DNASE1: variants seen among roughly 807,000 people sequenced by gnomAD.
The protein encoded by DNASE1 is deoxyribonuclease-1.
A neutral mutation model predicts 33.9 loss-of-function variants in DNASE1; 40 were observed. The ratio of observed to expected loss-of-function variants is 1.18; its 90% CI spans 0.92 to 1.54. DNASE1 has a LOEUF of 1.54. DNASE1 is among the 40% of genes most tolerant of loss of function. The probability of loss-of-function intolerance (pLI) is 0.00; values close to 1 mark genes in which losing one functional copy is unlikely to be tolerated. For missense variants in DNASE1, 518 were observed against 372.6 expected (o/e 1.39, Z -3.21); for synonymous variants, 216 against 160.0 (o/e 1.35, Z -2.64).
chr16:3,620,684 G>A (rs1301212860), intron 1 of DNASE1, among the ~76,000 whole-genome samples: 3 of 151,860 alleles, frequency 2.0e-5, no homozygotes, highest in African/African-American at 7.3e-5. Context: ...AAATGTCTTT[G>A]TACTTATAAC....
chr16:3,622,764 T>C (rs1387163694), intron 1 of DNASE1, among the ~76,000 whole-genome samples: 1 of 152,184 alleles, frequency 6.6e-6, no homozygotes, highest in East Asian at 1.9e-4. Context: ...GCTTTGACTT[T>C]TAATAAAATT....
intron 1 of DNASE1, among the ~76,000 whole-genome samples, chr16:3,626,849 T>G (rs2041528095): frequency 6.6e-6 from 1 of 152,154 alleles, no homozygotes; most frequent in Non-Finnish European, 1.5e-5. Flanking sequence ...TTTATCATTA[T>G]GTAATAGCCC....
chr16:3,662,302 T>C, downstream of DNASE1: 1 of 785,548 alleles, frequency 1.3e-6, no homozygotes, highest in Non-Finnish European at 2.0e-6. Flanking sequence ...TTGTGGGCCC[T>C]GAGCTGATGC....
At chr16:3,638,372 C>T (rs1020972906), upstream of DNASE1, among the ~76,000 whole-genome samples, 1 of 152,116 alleles carries the variant, frequency 6.6e-6, no homozygotes, top group Non-Finnish European at 1.5e-5. Context: ...GAGTCTCGCT[C>T]CATTGCCCAG....
intron 1 of DNASE1, among the ~76,000 whole-genome samples, chr16:3,632,785 C>T (rs1367528272): frequency 6.6e-6 from 1 of 152,022 alleles, no homozygotes; most frequent in Non-Finnish European, 1.5e-5. Flanking sequence ...GGGGTTTTAC[C>T]ATGTTGTCCA....
At chr16:3,646,004 C>A (rs2042161921) in intron 1 of DNASE1, among the ~76,000 whole-genome samples, 1 of 152,102 alleles carries the variant, frequency 6.6e-6, no homozygotes, top group African/African-American at 2.4e-5. Context: ...TCCCTGGGGC[C>A]AGCAAACACC....
chr16:3,654,277 T>G (rs957147276), upstream of DNASE1: 1 of 397,928 alleles, frequency 2.5e-6, no homozygotes, highest in Admixed American at 4.4e-5. Flanking sequence ...GGCTGGCAAT[T>G]GGGGTGGGCT....
chr16:3,634,001 G>A (rs888103318), intron 1 of DNASE1, among the ~76,000 whole-genome samples: 6 of 151,468 alleles, frequency 4.0e-5, no homozygotes, highest in Non-Finnish European at 8.8e-5. Flanking sequence ...TAGTAGAGGC[G>A]GGGTTTCACC....
At chr16:3,620,137 A>G (rs550038166) in intron 1 of DNASE1, among the ~76,000 whole-genome samples, 1 of 151,816 alleles carries the variant, frequency 6.6e-6, no homozygotes, top group East Asian at 2.0e-4. Flanking sequence ...GCTGGTGTTG[A>G]ACTCCTGACC....
chr16:3,637,897 G>A (rs2041917568), intron 1 of DNASE1, among the ~76,000 whole-genome samples: 1 of 152,162 alleles, frequency 6.6e-6, no homozygotes, highest in Admixed American at 6.5e-5. Flanking sequence ...TGTCTCCTGT[G>A]TCGGGGGCAG....
At chr16:3,653,841 A>AAAAAAAAAAAAAAAATG (rs781310896), upstream of DNASE1, 3 of 125,166 alleles carry the variant, frequency 2.4e-5, no homozygotes, top group Non-Finnish European at 3.4e-5. Context: ...AAAAAAAAAA[A>AAAAAAAAAAAAAAAATG]CTGAGCATGG....
exon 10 of DNASE1, chr16:3,663,713 T>C (rs1310071684): frequency 1.1e-6 from 1 of 883,984 alleles, no homozygotes; most frequent in African/African-American, 1.7e-5. Context: ...GCATGACAGT[T>C]ACTACGACAC....
At chr16:3,661,438 C>T (rs1024401256), downstream of DNASE1, 3 of 152,252 alleles carry the variant, frequency 2.0e-5, no homozygotes, top group Non-Finnish European at 2.9e-5. Flanking sequence ...CAGAGAAACC[C>T]ACACAAGCCC....
At chr16:3,658,482 G>T (rs2042855103), downstream of DNASE1, 4 of 577,544 alleles carry the variant, frequency 6.9e-6, no homozygotes, top group South Asian at 8.4e-5. Context: ...AGGAGATTGA[G>T]ACCATCCTGG....
exon 10 of DNASE1, chr16:3,663,394 C>A (rs762690151): frequency 3.5e-5 from 56 of 1,613,000 alleles, no homozygotes; most frequent in Non-Finnish European, 4.7e-5. Flanking sequence ...TGGAAACCAG[C>A]CCCACGCCTA....
At chr16:3,642,382 A>G (rs1419308574), upstream of DNASE1, among the ~76,000 whole-genome samples, 2 of 152,172 alleles carry the variant, frequency 1.3e-5, no homozygotes, top group African/African-American at 4.8e-5. Flanking sequence ...GAAGAGTCCA[A>G]ATGGGACAGA....
chr16:3,620,633 A>G (rs1242621014), intron 1 of DNASE1, among the ~76,000 whole-genome samples: 1 of 152,182 alleles, frequency 6.6e-6, no homozygotes, highest in African/African-American at 2.4e-5. Flanking sequence ...CCCTGTTGAT[A>G]AAGATATATT....
At chr16:3,639,095 C>T (rs1178928679), upstream of DNASE1, among the ~76,000 whole-genome samples, 2 of 152,142 alleles carry the variant, frequency 1.3e-5, no homozygotes, top group Non-Finnish European at 2.9e-5. Flanking sequence ...GGTTATAGGT[C>T]ATATTTTCCT....
chr16:3,663,808 T>A, exon 10 of DNASE1: 1 of 522,086 alleles, frequency 1.9e-6, no homozygotes, highest in Non-Finnish European at 3.4e-6. Flanking sequence ...GTGCAGTGGC[T>A]CACGCCTGTA....
Sources: allele counts gnomAD v4.1 joint callset (sites outside exome capture counted in the v4.1 genomes callset), GRCh38; gene constraint gnomAD v4.1.1; transcripts MANE v1.5; gene names NCBI Gene and HGNC (gene_info 2026-07-23, HGNC 2026-07-21).